NPIPB7: variants seen among roughly 807,000 people sequenced by gnomAD.
The protein encoded by NPIPB7 is nuclear pore complex interacting protein family member B7, also known as nuclear pore complex-interacting protein family member B7.
For synonymous variants in NPIPB7, 9 were observed against 88.1 expected (o/e 0.10, Z 5.03); for missense variants, 14 against 238.5 (o/e 0.06, Z 6.20).
chr16:28,461,150 G>A (rs1194836237), intron 4 of NPIPB7, among the ~76,000 whole-genome samples: 2 of 149,314 alleles, frequency 1.3e-5, no homozygotes, highest in African/African-American at 2.5e-5. Context: ...ACATGCGTGG[G>A]ATTAGATGGA....
rs1010098650 is a variant in NPIPB7 at position 28,456,775 on chromosome 16, TGAGGGTGGAAGAGGA to T, written c.879_893del (p.Pro294_Ser298del). The stretch of plus-strand genomic sequence containing the variant: ...GACATTCCTTCAGATTATCATCCAC[TGAGGGTGGAAGAGGA>T]GAGGGTGGAAGAGGAGCAAGAGGAC... On this transcript the variant is annotated inframe_deletion, in exon 7 of 7. Transcript: ENST00000452313. 14 of 866,876 alleles carry T rather than the reference TGAGGGTGGAAGAGGA, an allele frequency of 1.6e-5. 1 individual carries two copies. The highest frequency in any genetic ancestry group is 4.2e-5 in the African/African-American group (2 of 47,990). The allele number at this position is 866,876 out of a possible 1,614,324, so 53.7% of individuals were successfully genotyped here.
upstream of NPIPB7, among the ~76,000 whole-genome samples, chr16:28,472,136 G>C (rs2045955320): frequency 6.6e-6 from 1 of 152,226 alleles, no homozygotes; most frequent in Non-Finnish European, 1.5e-5. Flanking sequence ...ACCTGGGTCT[G>C]GTGCAGTGGC....
chr16:28,464,427 C>T (rs1425504445), intron 2 of NPIPB7, among the ~76,000 whole-genome samples: 5 of 152,262 alleles, frequency 3.3e-5, no homozygotes, highest in African/African-American at 9.6e-5. Flanking sequence ...CTCATCATAG[C>T]GAAAATGCAA....
chr16:28,471,778 T>C (rs2045952014), upstream of NPIPB7, among the ~76,000 whole-genome samples: 1 of 148,308 alleles, frequency 6.7e-6, no homozygotes, highest in Non-Finnish European at 1.5e-5. Flanking sequence ...TCCTTATCTA[T>C]AATCATCTTA....
At chr16:28,462,344 C>A in intron 4 of NPIPB7, among the ~76,000 whole-genome samples, 1 of 136,180 alleles carries the variant, frequency 7.3e-6, no homozygotes. Flanking sequence ...TGCTTGAAGT[C>A]AAAAGGCAGT....
At chr16:28,471,853 C>A (rs1408821523), upstream of NPIPB7, among the ~76,000 whole-genome samples, 2 of 151,896 alleles carry the variant, frequency 1.3e-5, no homozygotes, top group African/African-American at 2.4e-5. Flanking sequence ...AGTTGACCTT[C>A]ATGATTGACC....
intron 2 of NPIPB7, among the ~76,000 whole-genome samples, chr16:28,464,946 C>G (rs891166652): frequency 1.4e-5 from 2 of 139,248 alleles, no homozygotes; most frequent in African/African-American, 5.5e-5. Context: ...ACAGCTACTA[C>G]TAGATTTCAT....
chr16:28,461,978 A>T (rs2045873430), intron 4 of NPIPB7, among the ~76,000 whole-genome samples: 1 of 146,988 alleles, frequency 6.8e-6, no homozygotes, highest in South Asian at 2.2e-4. Context: ...AAATTGGCCG[A>T]ATGTGGTGGC....
intron 1 of NPIPB7, among the ~76,000 whole-genome samples, chr16:28,467,562 TTTTG>T (rs1456381422): frequency 1.5e-5 from 2 of 137,332 alleles, no homozygotes; most frequent in African/African-American, 2.7e-5. Context: ...AGCCATTTTT[TTTTG>T]TTTTTGTTTT....
chr16:28,457,725 GT>G (rs1381019838), intron 6 of NPIPB7, among the ~76,000 whole-genome samples: 1 of 38,220 alleles, frequency 2.6e-5, no homozygotes, highest in African/African-American at 9.2e-5. Context: ...CACTCTGGAG[GT>G]GCCACCCATG....
chr16:28,469,702 AT>A, intron 1 of NPIPB7: 1 of 379,544 alleles, frequency 2.6e-6, no homozygotes, highest in Non-Finnish European at 5.0e-6. Flanking sequence ...AAGGTTATAT[AT>A]TTTGGCCAGG....
At chr16:28,463,606 G>A (rs1185453832) in intron 2 of NPIPB7, among the ~76,000 whole-genome samples, 1 of 145,058 alleles carries the variant, frequency 6.9e-6, no homozygotes, top group African/African-American at 2.6e-5. Context: ...CATGCCTGTA[G>A]TCCCAGCTAG....
chr16:28,468,677 C>T (rs1209261877), intron 1 of NPIPB7, among the ~76,000 whole-genome samples: 4 of 144,914 alleles, frequency 2.8e-5, no homozygotes, highest in East Asian at 2.0e-4. Flanking sequence ...CATGGTGGCA[C>T]GTGCCTACAG....
rs1203956342 is a variant in NPIPB7 at position 28,459,318 on chromosome 16, G to C, written c.546-727C>G. 4.0e-5 allele frequency among the ~76,000 whole-genome samples: 3 copies of C among 74,298 alleles called. No individual in the cohort carries two copies. In the East Asian group the frequency reaches 1.4e-3, roughly 35 times the overall value. 48.7% of individuals were successfully genotyped at this position (74,298 alleles called of 152,430 possible). On this transcript the variant is annotated intron_variant, in intron 4 of 6. Coordinates refer to ENST00000452313, the Ensembl canonical transcript of NPIPB7. Reference sequence around the variant, plus strand: ...ATCCTACAACAACACACTTTCCTAAGGATGACAACAACTCACCCCACCCCT... The same window carrying C: ...ATCCTACAACAACACACTTTCCTAACGATGACAACAACTCACCCCACCCCT...
intron 1 of NPIPB7, chr16:28,469,688 A>C (rs2045928999): frequency 1.9e-5 from 7 of 375,190 alleles, no homozygotes; most frequent in Non-Finnish European, 3.6e-5. Flanking sequence ...GTAAACTTAC[A>C]CTTAAGGTTA....
upstream of NPIPB7, among the ~76,000 whole-genome samples, chr16:28,472,243 T>C (rs2045956400): frequency 6.6e-6 from 1 of 151,836 alleles, no homozygotes; most frequent in East Asian, 1.9e-4. Flanking sequence ...TGAGACACCG[T>C]CTCTACCAAA....
At chr16:28,461,303 C>T (rs878872424) in intron 4 of NPIPB7, among the ~76,000 whole-genome samples, 12 of 134,204 alleles carry the variant, frequency 8.9e-5, no homozygotes, top group African/African-American at 1.4e-4. Flanking sequence ...CCTGCACCGA[C>T]GACCTCAATT....
intron 1 of NPIPB7, among the ~76,000 whole-genome samples, chr16:28,467,971 A>G: frequency 2.3e-5 from 1 of 43,848 alleles, no homozygotes; most frequent in Non-Finnish European, 4.5e-5. Context: ...CTCATGGCTA[A>G]GACAAGCTAA....
chr16:28,462,206 G>A (rs1350162831), intron 4 of NPIPB7, among the ~76,000 whole-genome samples: 1 of 149,566 alleles, frequency 6.7e-6, no homozygotes, highest in East Asian at 2.0e-4. Context: ...GATTACCTGA[G>A]GTCAGAAGTT....
Sources: gnomAD v4.1 joint callset for allele counts (sites outside exome capture counted in the v4.1 genomes callset) on GRCh38, gnomAD v4.1.1 for gene constraint, MANE v1.5 for transcripts, NCBI Gene and HGNC (gene_info 2026-07-23, HGNC 2026-07-21) for gene names.